RBM47: variants seen among roughly 807,000 people sequenced by gnomAD.
RBM47 encodes RNA-binding protein 47.
A neutral mutation model predicts 47.1 loss-of-function variants in RBM47; 21 were observed. The ratio of observed to expected loss-of-function variants is 0.45; its 90% CI spans 0.32 to 0.64. The LOEUF (loss-of-function observed/expected upper bound fraction) is 0.64, where lower values mean the gene tolerates loss of function less well. Among genes scored for constraint, RBM47 ranks in the 30% least tolerant of loss-of-function variants. RBM47 has a pLI of 0.05. For missense variants in RBM47, 708 were observed against 870.9 expected (o/e 0.81, Z 2.35); for synonymous variants, 375 against 361.7 (o/e 1.04, Z -0.42).
intron 2 of RBM47, among the ~76,000 whole-genome samples, chr4:40,527,500 A>G (rs958452468): frequency 2.3e-5 from 3 of 131,876 alleles, no homozygotes; most frequent in Non-Finnish European, 4.6e-5. Flanking sequence ...CATGTTGGCC[A>G]GGCTGGTCTT....
intron 3 of RBM47, among the ~76,000 whole-genome samples, chr4:40,443,366 G>T (rs140820623): frequency 6.6e-6 from 1 of 152,008 alleles, no homozygotes; most frequent in Non-Finnish European, 1.5e-5. Context: ...GTTCAGAGAT[G>T]CAAAAAAGAC....
chr4:40,435,745 C>T (rs541292901), intron 5 of RBM47, among the ~76,000 whole-genome samples: 2 of 152,218 alleles, frequency 1.3e-5, no homozygotes, highest in South Asian at 4.1e-4. Context: ...AAGGAAAAGA[C>T]AGGTTTTACC....
intron 6 of RBM47, chr4:40,426,717 TTG>T (rs1267322485): frequency 2.7e-5 from 4 of 150,454 alleles, no homozygotes; most frequent in Non-Finnish European, 5.9e-5. Context: ...ATGTAAATAG[TTG>T]TTATATCGTA....
intron 1 of RBM47, among the ~76,000 whole-genome samples, chr4:40,583,445 G>A (rs998329469): frequency 6.3e-4 from 93 of 148,228 alleles, no homozygotes; most frequent in African/African-American, 2.2e-3. Context: ...GGTGATGCAC[G>A]CCTGTAGTCC....
At chr4:40,470,957 G>A (rs982743161) in intron 2 of RBM47, among the ~76,000 whole-genome samples, 1 of 152,102 alleles carries the variant, frequency 6.6e-6, no homozygotes, top group South Asian at 2.1e-4. Context: ...TGGCCAGGCT[G>A]GTCCTGAACG....
rs1239132279 is a variant in RBM47, at chr4:40,568,051, T to C, written c.-239-23545A>G. 4.0e-5 allele frequency among the ~76,000 whole-genome samples: 6 copies of C among 151,782 alleles called. No homozygotes were observed. The East Asian group carries it at 1.2e-3, about 29-fold the overall frequency. On this transcript the variant is annotated intron_variant, in intron 1 of 6. Transcript: ENST00000295971. ...TTGACTGAACCCGGGAGGCGGAGGT[T>C]GCCATGAGCTAACATCAGGCCACTG...
At chr4:40,593,429 T>C (rs1166837294) in intron 1 of RBM47, among the ~76,000 whole-genome samples, 1 of 152,132 alleles carries the variant, frequency 6.6e-6, no homozygotes, top group Non-Finnish European at 1.5e-5. Flanking sequence ...GCTTTAGAAA[T>C]ACCTGAAACA....
chr4:40,589,711 T>C (rs1733949517), intron 1 of RBM47, among the ~76,000 whole-genome samples: 1 of 152,218 alleles, frequency 6.6e-6, no homozygotes, highest in Non-Finnish European at 1.5e-5. Flanking sequence ...AGTGCTGGGA[T>C]TGCAGGCGTA....
At chr4:40,610,254 G>C (rs369034868) in intron 1 of RBM47, among the ~76,000 whole-genome samples, 1 of 152,120 alleles carries the variant, frequency 6.6e-6, no homozygotes. Context: ...TCTGTGTATG[G>C]GGATCATAAT....
chr4:40,600,180 A>AAT (rs1735116388), intron 1 of RBM47, among the ~76,000 whole-genome samples: 2 of 144,900 alleles, frequency 1.4e-5, no homozygotes, highest in African/African-American at 5.1e-5. Context: ...TTTTTTATGA[A>AAT]TTTTTTTTTT....
chr4:40,449,620 T>C (rs571664116), intron 3 of RBM47, among the ~76,000 whole-genome samples: 1 of 151,440 alleles, frequency 6.6e-6, no homozygotes, highest in South Asian at 2.1e-4. Flanking sequence ...AGGGGTGGAG[T>C]GGGGAGATTT....
chr4:40,430,971 C>T (rs1461450109), intron 6 of RBM47, among the ~76,000 whole-genome samples: 1 of 152,004 alleles, frequency 6.6e-6, no homozygotes, highest in Non-Finnish European at 1.5e-5. Context: ...GTGGTCCCAA[C>T]TACTTGGGAG....
intron 3 of RBM47, among the ~76,000 whole-genome samples, chr4:40,439,591 C>T (rs1713309603): frequency 6.6e-6 from 1 of 152,200 alleles, no homozygotes; most frequent in Non-Finnish European, 1.5e-5. Flanking sequence ...GATTTGGAAT[C>T]AGTCCTTGAA....
At chr4:40,571,022 C>T (rs1051696325) in intron 1 of RBM47, among the ~76,000 whole-genome samples, 3 of 151,994 alleles carry the variant, frequency 2.0e-5, no homozygotes, top group African/African-American at 7.2e-5. Flanking sequence ...TCCAGACCAG[C>T]CTGGCCAACA....
At chr4:40,478,049 CT>C (rs1719880198) in intron 2 of RBM47, among the ~76,000 whole-genome samples, 1 of 108,026 alleles carries the variant, frequency 9.3e-6, no homozygotes, top group African/African-American at 3.8e-5. Context: ...GAGTTTTGCT[CT>C]TATTACCCAG....
chr4:40,548,914 A>G (rs951517605), intron 1 of RBM47, among the ~76,000 whole-genome samples: 2 of 151,896 alleles, frequency 1.3e-5, no homozygotes, highest in East Asian at 1.9e-4. Flanking sequence ...GATCCGCCCA[A>G]CTTGGCCTCC....
intron 2 of RBM47, among the ~76,000 whole-genome samples, chr4:40,479,641 T>C (rs1480472937): frequency 6.6e-6 from 1 of 151,712 alleles, no homozygotes; most frequent in Non-Finnish European, 1.5e-5. Flanking sequence ...AATAAAATGG[T>C]ACCTTCTCAA....
intron 1 of RBM47, among the ~76,000 whole-genome samples, chr4:40,592,426 CTTTTTTTTTTT>C (rs80061075): frequency 0.25 from 33,872 of 137,488 alleles, 4,025 homozygotes; most frequent in Admixed American, 0.29. Context: ...TTTTTTTTTT[CTTTTTTTTTTT>C]TTTTAAGACA....
At chr4:40,477,456 T>A (rs278966) in intron 2 of RBM47, among the ~76,000 whole-genome samples, 82,683 of 151,992 alleles carry the variant, frequency 0.54, 23,940 homozygotes, top group African/African-American at 0.75. Flanking sequence ...GTTTTCAAAA[T>A]CTACTGATTT....
Sources: allele counts gnomAD v4.1 joint callset (sites outside exome capture counted in the v4.1 genomes callset), GRCh38; gene constraint gnomAD v4.1.1; transcripts MANE v1.5; gene names NCBI Gene and HGNC (gene_info 2026-07-23, HGNC 2026-07-21).